Variants in TTC28 observed in about 807,000 individuals in gnomAD.
TTC28 encodes tetratricopeptide repeat protein 28.
TTC28 carries 61 observed loss-of-function variants against 198.0 expected under a neutral mutation model. The observed-to-expected ratio is 0.31, with a 90% CI of 0.25 to 0.38. The LOEUF (loss-of-function observed/expected upper bound fraction) is 0.38. Among genes scored for constraint, TTC28 ranks in the 10% least tolerant of loss-of-function variants. The pLI is 1.00. For missense variants in TTC28, 2,678 were observed against 3,164.0 expected (o/e 0.85, Z 3.69); for synonymous variants, 1,171 against 1,297.8 (o/e 0.90, Z 2.10).
intron 5 of TTC28, among the ~76,000 whole-genome samples, chr22:28,271,896 C>T (rs997818658): frequency 6.6e-6 from 1 of 152,198 alleles, no homozygotes; most frequent in Non-Finnish European, 1.5e-5. Flanking sequence ...AGCCACCGTG[C>T]CTGGCTGATC....
chr22:28,478,419 G>C (rs2049121503), intron 2 of TTC28, among the ~76,000 whole-genome samples: 1 of 152,154 alleles, frequency 6.6e-6, no homozygotes, highest in African/African-American at 2.4e-5. Context: ...TGAGGAAGGA[G>C]AATCACTTGA....
chr22:28,610,576 T>C (rs957822360), intron 2 of TTC28, among the ~76,000 whole-genome samples: 1 of 151,930 alleles, frequency 6.6e-6, no homozygotes, highest in Non-Finnish European at 1.5e-5. Flanking sequence ...GGAGACACCA[T>C]CAAAGACCAA....
rs746058646 is a variant in TTC28, at chr22:27,983,593, C to T, written c.6074G>A (p.Arg2025Gln). ...TCTCTGCAGGTAAGCGTTCTTGGACCGGTCATGGTCCTGCCGTCCTCCGGG... is the reference window on the plus strand; with the variant it reads ...TCTCTGCAGGTAAGCGTTCTTGGACTGGTCATGGTCCTGCCGTCCTCCGGG... ...GGPGGRQDHD[R>Q]SKNAYLQRST... The change falls in exon 23 of 23, where the codon CGG (arginine) becomes CAG (glutamine). Residue 2025 changes from arginine (R) to glutamine (Q), a missense_variant. Physicochemically the swap from Arg to Gln is conservative, Grantham distance 43. Transcript: ENST00000397906. 21 of 1,549,088 alleles carry T rather than the reference C, an allele frequency of 1.4e-5. No individual in the cohort carries two copies. Among genetic ancestry groups the T allele is most frequent in the Admixed American group, 4.0e-5 (2 of 50,484 alleles).
At chr22:28,511,159 T>G (rs1186836946) in intron 2 of TTC28, among the ~76,000 whole-genome samples, 1 of 152,104 alleles carries the variant, frequency 6.6e-6, no homozygotes, top group African/African-American at 2.4e-5. Context: ...AAAAACTATT[T>G]TAAAATTCAT....
At chr22:28,610,357 G>A (rs191520685) in intron 2 of TTC28, among the ~76,000 whole-genome samples, 116 of 152,254 alleles carry the variant, frequency 7.6e-4, no homozygotes, top group African/African-American at 2.6e-3. Flanking sequence ...GGCATCTGGC[G>A]GGTGCCCCTC....
At chr22:28,064,819 A>G (rs1290288816) in intron 12 of TTC28, among the ~76,000 whole-genome samples, 1 of 152,214 alleles carries the variant, frequency 6.6e-6, no homozygotes, top group Non-Finnish European at 1.5e-5. Context: ...CCAGTAAACT[A>G]TAACGCTGGC....
chr22:28,090,361 G>A (rs1941776250), intron 12 of TTC28, among the ~76,000 whole-genome samples: 2 of 151,684 alleles, frequency 1.3e-5, no homozygotes, highest in African/African-American at 4.8e-5. Flanking sequence ...TTTTGTCTAT[G>A]TGATTAAACA....
At position 28,296,255 on chromosome 22, in the gene TTC28, C is replaced by T. The variant is rs1252610176; in HGVS notation, c.876G>A (p.Glu292=). 7 of 1,550,906 alleles carry T rather than the reference C, an allele frequency of 4.5e-6. No homozygotes were observed. Among genetic ancestry groups the T allele is most frequent in the Non-Finnish European group, 5.2e-6 (6 of 1,146,730 alleles). ...ACTGATGCCTGTGGTTAGTGAGAGC[C>T]TCCCGGTAATTTCCTTTGGAGAAGA... ...SAFFSKGNYR[E]ALTNHRHQLV... is the part of the protein sequence containing the mutation. Residue 292 remains glutamate, a synonymous_variant, in exon 5 of 23, where the codon GAG becomes GAA. Coordinates refer to ENST00000397906, the MANE Select transcript of TTC28 (RefSeq NM_001145418.2).
intron 6 of TTC28, among the ~76,000 whole-genome samples, chr22:28,162,346 T>A (rs1032636184): frequency 6.6e-6 from 1 of 152,212 alleles, no homozygotes; most frequent in Non-Finnish European, 1.5e-5. Context: ...CACATAATTT[T>A]GAGGAAAAAA....
intron 2 of TTC28, among the ~76,000 whole-genome samples, chr22:28,602,691 A>T (rs998204485): frequency 1.3e-5 from 2 of 152,204 alleles, no homozygotes; most frequent in Non-Finnish European, 2.9e-5. Context: ...TAAAAATTTT[A>T]AAATATACCA....
intron 2 of TTC28, among the ~76,000 whole-genome samples, chr22:28,590,285 A>G (rs2050404050): frequency 6.6e-6 from 1 of 151,074 alleles, no homozygotes; most frequent in Non-Finnish European, 1.5e-5. Context: ...CCACCACCAC[A>G]CCCAGATAAT....
intron 2 of TTC28, among the ~76,000 whole-genome samples, chr22:28,354,994 A>G (rs1471285692): frequency 1.7e-5 from 2 of 116,126 alleles, no homozygotes; most frequent in Non-Finnish European, 3.3e-5. Flanking sequence ...CCACTTTACT[A>G]CCACAAATAT....
intron 5 of TTC28, among the ~76,000 whole-genome samples, chr22:28,214,176 C>A (rs1239456269): frequency 6.6e-6 from 1 of 152,088 alleles, no homozygotes; most frequent in Non-Finnish European, 1.5e-5. Context: ...ACCATAAAAA[C>A]CCTAGAAGAA....
intron 3 of TTC28, among the ~76,000 whole-genome samples, chr22:28,299,063 C>T (rs773789742): frequency 2.9e-4 from 44 of 151,916 alleles, no homozygotes; most frequent in Admixed American, 2.0e-3. Context: ...ATTTTTTTCC[C>T]ATTTGAAGCT....
At position 28,675,737 on chromosome 22, in the gene TTC28, A is replaced by ACT. The variant is rs879334715; in HGVS notation, c.102+3884_102+3885insAG. 2.3e-3 allele frequency among the ~76,000 whole-genome samples: 292 copies of ACT among 124,844 alleles called. 3 individuals carry two copies. The highest frequency in any genetic ancestry group is 9.0e-3 in the African/African-American group (270 of 30,130). 81.9% of individuals were successfully genotyped at this position (124,844 alleles called of 152,430 possible). A position where few individuals can be genotyped will look rare whatever the true frequency, so the allele number is the denominator to read the frequency against. On this transcript the variant is annotated intron_variant, in intron 1 of 22. Transcript: ENST00000397906. The stretch of plus-strand genomic sequence containing the variant: ...CTGGGCGACAGAGTGAAACCCTGTC[A>ACT]CACACACACACACACACACACACAC...
rs1041252502 is a variant in TTC28 at position 27,998,958 on chromosome 22, G to T, written c.4701C>A (p.Ala1567=). The part of the protein sequence containing the change: ...VLTPSMDGNP[A]SSKSSFGHPY... ...GGTGGCCGAAGGAGCTCTTGCTGCT[G>T]GCAGGGTTGCCGTCCATGCTGGGCG... The change falls in exon 16 of 23, where the codon GCC becomes GCA. Residue 1567 remains alanine (A), a synonymous_variant. Coordinates refer to ENST00000397906, the MANE Select transcript of TTC28 (RefSeq NM_001145418.2). 1.0e-5 allele frequency: 16 copies of T among 1,550,700 alleles called. No homozygotes were observed. Among genetic ancestry groups the T allele is most frequent in the Non-Finnish European group, 1.4e-5 (16 of 1,146,942 alleles).
intron 2 of TTC28, among the ~76,000 whole-genome samples, chr22:28,500,902 T>TA (rs994721116): frequency 2.0e-5 from 3 of 151,974 alleles, no homozygotes; most frequent in African/African-American, 2.4e-5. Flanking sequence ...TCAGTTAGAA[T>TA]AAAAAAAATG....
intron 1 of TTC28, among the ~76,000 whole-genome samples, chr22:28,649,683 T>TA (rs1459916134): frequency 6.6e-6 from 1 of 152,200 alleles, no homozygotes; most frequent in Non-Finnish European, 1.5e-5. Flanking sequence ...TTTTATATGG[T>TA]AAATAGCCAA....
chr22:28,210,717 A>G lies in TTC28; in HGVS notation c.934-47118T>C, dbSNP rs375335180. On this transcript the variant is annotated intron_variant, in intron 5 of 22. Coordinates refer to ENST00000397906, the MANE Select transcript of TTC28 (RefSeq NM_001145418.2). ...GGAACCAAGTTGGAAAACACTCTGT[A>G]GGATATTCTCCAGGAGAACTTCCCC... Among the ~76,000 whole-genome samples the G allele has an allele frequency of 6.6e-5, 10 of 152,214 alleles. 1 individual carries two copies. In the East Asian group the frequency reaches 7.7e-4, roughly 12 times the overall value.
Sources: gnomAD v4.1 joint callset for allele counts (sites outside exome capture counted in the v4.1 genomes callset) on GRCh38, gnomAD v4.1.1 for gene constraint, MANE v1.5 for transcripts, NCBI Gene and HGNC (gene_info 2026-07-23, HGNC 2026-07-21) for gene names.